GLRA2: variants seen among roughly 807,000 people sequenced by gnomAD.
The protein encoded by GLRA2 is glycine receptor alpha 2.
In GLRA2, 11 loss-of-function variants were observed where a neutral mutation model predicts 31.6. That is an observed-to-expected ratio of 0.35 (90% CI 0.22 to 0.58). The LOEUF (loss-of-function observed/expected upper bound fraction) is 0.58, where lower values mean the gene tolerates loss of function less well. Among genes scored for constraint, GLRA2 ranks in the 20% least tolerant of loss-of-function variants. The pLI is 0.84. For missense variants in GLRA2, 212 were observed against 351.8 expected (o/e 0.60, Z 3.18); for synonymous variants, 132 against 134.0 (o/e 0.99, Z 0.10).
At chrX:14,564,297 T>C (rs111387346) in intron 2 of GLRA2, among the ~76,000 whole-genome samples, 2 of 108,237 alleles carry the variant, frequency 1.8e-5, no homozygotes, top group African/African-American at 6.8e-5. Flanking sequence ...CAGAAGACAA[T>C]GGGATGATAT....
chrX:14,609,126 C>T lies in GLRA2; in HGVS notation c.851C>T (p.Pro284Leu). ...VSFWINMDAA[P>L]ARVALGITTV... ...TTTTGGATAAATATGGATGCAGCCC[C>T]TGCCAGGGTCGCACTGGGCATCACC... Residue 284 changes from proline (P) to leucine (L), a missense_variant, in exon 7 of 9, where the codon CCT (proline) becomes CTT (leucine). Physicochemically the swap from Pro to Leu is moderately conservative, Grantham distance 98. Transcript: ENST00000218075. The T allele has an allele frequency of 8.3e-7, 1 of 1,203,134 alleles. No homozygotes were observed. The highest frequency in any genetic ancestry group is 1.1e-6 in the Non-Finnish European group (1 of 888,304).
chrX:14,540,231 A>G (rs188886261), intron 2 of GLRA2, among the ~76,000 whole-genome samples: 1 of 111,327 alleles, frequency 9.0e-6, no homozygotes, highest in African/African-American at 3.3e-5. Context: ...GAAAAAAACA[A>G]CCCTTAAAGG....
chrX:14,699,519 G>C (rs1319264246), intron 8 of GLRA2, among the ~76,000 whole-genome samples: 2 of 112,230 alleles, frequency 1.8e-5, no homozygotes, highest in Non-Finnish European at 3.8e-5. Flanking sequence ...TTTATACATT[G>C]TATTATGATC....
At chrX:14,659,022 G>A (rs2090967086) in intron 7 of GLRA2, among the ~76,000 whole-genome samples, 1 of 112,062 alleles carries the variant, frequency 8.9e-6, no homozygotes. Flanking sequence ...GTTATTGGAT[G>A]TGTTGCCTAA....
At chrX:14,538,183 A>C (rs1569488119) in intron 2 of GLRA2, among the ~76,000 whole-genome samples, 1 of 110,325 alleles carries the variant, frequency 9.1e-6, no homozygotes. Flanking sequence ...CTGAACTTGG[A>C]TCTAGAAGAC....
intron 3 of GLRA2, among the ~76,000 whole-genome samples, chrX:14,580,963 G>A (rs189645163): frequency 5.4e-5 from 6 of 111,716 alleles, no homozygotes; most frequent in Non-Finnish European, 7.5e-5. Context: ...AAGTCAACCC[G>A]TTTTATTGGT....
intron 7 of GLRA2, among the ~76,000 whole-genome samples, chrX:14,618,212 T>C (rs1207657479): frequency 8.9e-6 from 1 of 111,832 alleles, no homozygotes; most frequent in East Asian, 2.8e-4. Flanking sequence ...AATTAGGCAA[T>C]TGTTATGTGC....
At chrX:14,532,495 T>C in intron 2 of GLRA2, 123 bp downstream of exon 2, 1 of 395,409 alleles carries the variant, frequency 2.5e-6, no homozygotes, top group Non-Finnish European at 4.2e-6. Flanking sequence ...AGTGTTCATT[T>C]TATTTTGGTA....
the GLRA2 span, among the ~76,000 whole-genome samples, chrX:14,509,039 A>T: frequency 5.4e-5 from 6 of 111,785 alleles, no homozygotes; most frequent in Non-Finnish European, 1.1e-4. Flanking sequence ...CTCCTCTCTA[A>T]AAAGGAATGT....
chrX:14,479,082 G>T, the GLRA2 span, among the ~76,000 whole-genome samples: 1 of 110,189 alleles, frequency 9.1e-6, no homozygotes, highest in Non-Finnish European at 1.9e-5. Flanking sequence ...AAAGAATGCC[G>T]GAATGAGAGA....
At chrX:14,633,859 G>T (rs1159300682) in intron 7 of GLRA2, among the ~76,000 whole-genome samples, 1 of 111,356 alleles carries the variant, frequency 9.0e-6, no homozygotes, top group Non-Finnish European at 1.9e-5. Context: ...TGGGGGAACT[G>T]CCCCCATGAT....
chrX:14,627,678 C>T (rs1413493601), intron 7 of GLRA2, among the ~76,000 whole-genome samples: 1 of 111,163 alleles, frequency 9.0e-6, no homozygotes, highest in Non-Finnish European at 1.9e-5. Context: ...TTGCTGTTTC[C>T]TACTCACTTC....
chrX:14,621,669 C>T (rs2090520774), intron 7 of GLRA2, among the ~76,000 whole-genome samples: 1 of 111,699 alleles, frequency 9.0e-6, no homozygotes, highest in African/African-American at 3.3e-5. Context: ...CAGCTTCATC[C>T]ATGTCCCTAC....
intron 7 of GLRA2, among the ~76,000 whole-genome samples, chrX:14,652,479 A>G (rs1047043036): frequency 6.3e-5 from 7 of 111,578 alleles, no homozygotes; most frequent in Admixed American, 5.7e-4. Context: ...CCCTGCACCA[A>G]GCAAGTCTAT....
At chrX:14,647,459 T>C (rs1255249164) in intron 7 of GLRA2, among the ~76,000 whole-genome samples, 2 of 110,597 alleles carry the variant, frequency 1.8e-5, no homozygotes, top group African/African-American at 6.6e-5. Context: ...AGTACCAGAG[T>C]CGGAATCCAT....
intron 4 of GLRA2, among the ~76,000 whole-genome samples, chrX:14,585,920 T>G (rs925491126): frequency 1.8e-5 from 2 of 112,365 alleles, no homozygotes; most frequent in Non-Finnish European, 3.8e-5. Flanking sequence ...TCTGTCTTGA[T>G]ACTCTGTATT....
chrX:14,519,011 CAAAAAA>C, the GLRA2 span, among the ~76,000 whole-genome samples: 2 of 27,276 alleles, frequency 7.3e-5, no homozygotes, highest in Non-Finnish European at 1.4e-4. Context: ...GACTCGGTCT[CAAAAAA>C]AAAAAAAAAA....
At chrX:14,654,964 A>G (rs959330884) in intron 7 of GLRA2, among the ~76,000 whole-genome samples, 1 of 111,132 alleles carries the variant, frequency 9.0e-6, no homozygotes, top group Non-Finnish European at 1.9e-5. Context: ...CCACGAGAAC[A>G]GTATGGGGGA....
chrX:14,502,530 C>T, the GLRA2 span, among the ~76,000 whole-genome samples: 1 of 111,414 alleles, frequency 9.0e-6, no homozygotes, highest in Admixed American at 9.6e-5. Flanking sequence ...GTTATGTTCT[C>T]TAAAGTCACT....
Sources: gnomAD v4.1 joint callset for allele counts (sites outside exome capture counted in the v4.1 genomes callset) on GRCh38, gnomAD v4.1.1 for gene constraint, MANE v1.5 for transcripts, NCBI Gene and HGNC (gene_info 2026-07-23, HGNC 2026-07-21) for gene names.